GPAT3: variants seen among roughly 807,000 people sequenced by gnomAD.
GPAT3 encodes the protein glycerol-3-phosphate acyltransferase 3.
Under a neutral mutation model 58.8 loss-of-function variants are expected in GPAT3, and 53 were observed. The observed-to-expected ratio is 0.90, with a 90% CI of 0.72 to 1.13. The LOEUF (loss-of-function observed/expected upper bound fraction) is 1.13, where lower values mean the gene tolerates loss of function less well. Among genes scored for constraint, GPAT3 ranks in the 50% most tolerant of loss-of-function variants. The pLI is 0.00. For missense variants in GPAT3, 511 were observed against 527.6 expected, an observed-to-expected ratio of 0.97 and a Z score of 0.31; for synonymous variants, 197 against 187.4, an observed-to-expected ratio of 1.05 and a Z score of -0.42.
At chr4:83,585,220 G>C (rs1032271962) in intron 3 of GPAT3, among the ~76,000 whole-genome samples, 20 of 151,692 alleles carry the variant, frequency 1.3e-4, no homozygotes, top group Non-Finnish European at 2.8e-4. Context: ...ATTTATCAAG[G>C]TATTTATAGG....
intron 2 of GPAT3, among the ~76,000 whole-genome samples, chr4:83,574,624 A>ATTTTTTTTTTTTTTTTTTTTT (rs561972057): frequency 7.2e-5 from 4 of 55,592 alleles, no homozygotes; most frequent in Non-Finnish European, 1.0e-4. Context: ...AGTAAAATGA[A>ATTTTTTTTTTTTTTTTTTTTT]TTTTTTTTTT....
intron 1 of GPAT3, among the ~76,000 whole-genome samples, chr4:83,539,924 G>C (rs55712009): frequency 2.0e-4 from 30 of 152,124 alleles, no homozygotes; most frequent in South Asian, 1.7e-3. Flanking sequence ...TTGGGAAGCC[G>C]AGGCAGGTGG....
intron 2 of GPAT3, among the ~76,000 whole-genome samples, chr4:83,554,523 C>T (rs1412630734): frequency 3.3e-5 from 5 of 152,122 alleles, no homozygotes; most frequent in African/African-American, 9.7e-5. Context: ...ATAATCACCA[C>T]CATTTTTTAA....
intron 2 of GPAT3, among the ~76,000 whole-genome samples, chr4:83,578,999 T>C (rs1578185893): frequency 1.5e-5 from 2 of 134,070 alleles, no homozygotes; most frequent in African/African-American, 6.3e-5. Context: ...CTTCCTTCCT[T>C]CCTTCCTTCC....
At chr4:83,597,983 T>TA in intron 9 of GPAT3, 68 bp from the exon 10 acceptor site, 1 of 1,587,956 alleles carries the variant, frequency 6.3e-7, no homozygotes, top group Non-Finnish European at 8.6e-7. Flanking sequence ...CTACCACCTT[T>TA]AAAACATTGG....
At chr4:83,558,924 TTAAC>T (rs1725032611) in intron 2 of GPAT3, among the ~76,000 whole-genome samples, 1 of 152,218 alleles carries the variant, frequency 6.6e-6, no homozygotes, top group Non-Finnish European at 1.5e-5. Context: ...ATTAAGTTGG[TTAAC>T]TAAGTTGGAA....
At chr4:83,544,647 G>T (rs1724439304) in intron 2 of GPAT3, 45 bp downstream of exon 2, 1 of 1,588,740 alleles carries the variant, frequency 6.3e-7, no homozygotes. Context: ...TTTAAATTGG[G>T]TGGATGTAAA....
intron 2 of GPAT3, among the ~76,000 whole-genome samples, chr4:83,572,735 C>T (rs991112923): frequency 1.3e-5 from 2 of 152,134 alleles, no homozygotes; most frequent in Admixed American, 6.5e-5. Context: ...TTACGCTTAA[C>T]TAAATTAATA....
intron 2 of GPAT3, among the ~76,000 whole-genome samples, chr4:83,579,017 C>CATTT (rs1725952352): frequency 2.2e-5 from 1 of 46,496 alleles, no homozygotes. Context: ...TCCTTCTTTC[C>CATTT]CTTTCTTTCT....
chr4:83,579,661 A>T (rs1183245430), intron 2 of GPAT3, among the ~76,000 whole-genome samples: 1 of 152,134 alleles, frequency 6.6e-6, no homozygotes, highest in Non-Finnish European at 1.5e-5. Flanking sequence ...CAAAATCCCC[A>T]TATATCCCAC....
chr4:83,549,626 G>T (rs575250074), intron 2 of GPAT3, among the ~76,000 whole-genome samples: 1 of 150,280 alleles, frequency 6.7e-6, no homozygotes, highest in African/African-American at 2.4e-5. Context: ...TCTGCCTCCC[G>T]GGTTCCAGCA....
At chr4:83,561,263 T>G (rs1725115563) in intron 2 of GPAT3, among the ~76,000 whole-genome samples, 1 of 152,196 alleles carries the variant, frequency 6.6e-6, no homozygotes, top group African/African-American at 2.4e-5. Flanking sequence ...CAAAACAGAA[T>G]TTTTTTAAAA....
chr4:83,585,615 CTT>C (rs202185390), intron 3 of GPAT3, among the ~76,000 whole-genome samples: 23 of 144,124 alleles, frequency 1.6e-4, no homozygotes, highest in Admixed American at 2.1e-4. Flanking sequence ...TACGCTGTTT[CTT>C]TTTTTTTTTT....
chr4:83,563,701 G>A (rs1394257752), intron 2 of GPAT3, among the ~76,000 whole-genome samples: 2 of 151,796 alleles, frequency 1.3e-5, no homozygotes, highest in Non-Finnish European at 1.5e-5. Context: ...GGCTGGTCTC[G>A]AACTCCTGAC....
At chr4:83,537,064 C>A (rs969865490) in intron 1 of GPAT3, among the ~76,000 whole-genome samples, 16 of 152,136 alleles carry the variant, frequency 1.1e-4, no homozygotes, top group African/African-American at 3.9e-4. Context: ...AACAACAATG[C>A]GACCAACTTT....
At chr4:83,543,739 G>C (rs1724397462) in intron 1 of GPAT3, among the ~76,000 whole-genome samples, 1 of 151,958 alleles carries the variant, frequency 6.6e-6, no homozygotes, top group South Asian at 2.1e-4. Context: ...TTCCTCCCTG[G>C]TTCAAGCAAT....
intron 5 of GPAT3, 88 bp from the exon 6 acceptor site, chr4:83,590,111 C>A: frequency 8.3e-7 from 1 of 1,204,364 alleles, no homozygotes. Context: ...CATATATACA[C>A]ACACACACAC....
Position 83,596,926 on chromosome 4 carries a change from C to T in GPAT3, c.910+13C>T, listed in dbSNP as rs752317326. On this transcript the variant is annotated intron_variant, in intron 8 of 11. Transcript: ENST00000264409. ...ATTTTTCCTGAAGGTAAGAATGGGC[C>T]TGCCTCCCGAGCTATAGTTGATAAC... 5 of 1,599,310 alleles carry T rather than the reference C, an allele frequency of 3.1e-6. No homozygotes were observed. The highest frequency in any genetic ancestry group is 3.5e-5 in the Admixed American group (2 of 57,082).
intron 2 of GPAT3, among the ~76,000 whole-genome samples, chr4:83,554,160 A>AT (rs1578167391): frequency 1.3e-5 from 2 of 151,732 alleles, no homozygotes; most frequent in African/African-American, 4.8e-5. Context: ...AGCCTGGCTA[A>AT]TTTTTTCCTT....
Sources: allele counts gnomAD v4.1 joint callset (sites outside exome capture counted in the v4.1 genomes callset), GRCh38; gene constraint gnomAD v4.1.1; transcripts MANE v1.5; gene names NCBI Gene and HGNC (gene_info 2026-07-23, HGNC 2026-07-21).